ABCG2: variants seen among roughly 807,000 people sequenced by gnomAD.
ABCG2 encodes the protein ATP binding cassette subfamily G member 2 (JR blood group).
Under a neutral mutation model 73.5 loss-of-function variants are expected in ABCG2, and 80 were observed. The ratio of observed to expected loss-of-function variants is 1.09; its 90% CI spans 0.91 to 1.31. ABCG2 has a LOEUF of 1.31. Ranked by LOEUF, ABCG2 falls within the 50% of genes most tolerant of loss-of-function variation. ABCG2 has a pLI of 0.00. For missense variants in ABCG2, 796 were observed against 786.2 expected (o/e 1.01, Z -0.15); for synonymous variants, 269 against 282.4 (o/e 0.95, Z 0.48).
intron 1 of ABCG2, among the ~76,000 whole-genome samples, chr4:88,153,746 C>T (rs1398609990): frequency 2.6e-5 from 4 of 152,062 alleles, no homozygotes; most frequent in Admixed American, 2.6e-4. Context: ...GTGAAAGTGT[C>T]TACCCAGACC....
chr4:88,105,992 C>T (rs1276431617), intron 10 of ABCG2, among the ~76,000 whole-genome samples: 1 of 152,074 alleles, frequency 6.6e-6, no homozygotes, highest in African/African-American at 2.4e-5. Context: ...TTGTGCACTG[C>T]TGGTAAGAAT....
chr4:88,209,399 C>T (rs1332467907), intron 1 of ABCG2, among the ~76,000 whole-genome samples: 1 of 151,398 alleles, frequency 6.6e-6, no homozygotes, highest in Non-Finnish European at 1.5e-5. Context: ...TGCGGTGGCT[C>T]ACACTTATAA....
rs188284155 is a variant in ABCG2, at chr4:88,142,321, G to A, written c.-19-2307C>T. 1.9e-3 allele frequency among the ~76,000 whole-genome samples: 295 copies of A among 152,154 alleles called. 2 individuals are homozygous for A. Among genetic ancestry groups the A allele is most frequent in the African/African-American group, 6.8e-3 (282 of 41,522 alleles). On this transcript the variant is annotated intron_variant, in intron 1 of 15. Transcript: ENST00000237612. ...TTGAAGAAACTCTAGGAACACCAAAGAGGATGAATACAAAAAAAGACAAAT... is the reference window on the plus strand; with the variant it reads ...TTGAAGAAACTCTAGGAACACCAAAAAGGATGAATACAAAAAAAGACAAAT...
chr4:88,217,985 A>G (rs1191568143), intron 1 of ABCG2, among the ~76,000 whole-genome samples: 1 of 151,892 alleles, frequency 6.6e-6, no homozygotes, highest in Non-Finnish European at 1.5e-5. Flanking sequence ...AAAAAAAAAA[A>G]AAAAAAAGGA....
chr4:88,199,950 A>T (rs1274977823), intron 1 of ABCG2, among the ~76,000 whole-genome samples: 1 of 152,074 alleles, frequency 6.6e-6, no homozygotes, highest in Non-Finnish European at 1.5e-5. Flanking sequence ...TGCAGTGAGC[A>T]AGATCGCGCC....
intron 9 of ABCG2, among the ~76,000 whole-genome samples, chr4:88,108,373 CA>C (rs1477394710): frequency 6.6e-6 from 1 of 150,710 alleles, no homozygotes; most frequent in Admixed American, 6.6e-5. Context: ...AAAAAACACA[CA>C]CAAAAAAATT....
intron 9 of ABCG2, among the ~76,000 whole-genome samples, chr4:88,110,291 C>A (rs1723046518): frequency 6.6e-6 from 1 of 151,906 alleles, no homozygotes; most frequent in Admixed American, 6.6e-5. Flanking sequence ...TCTGTAATCC[C>A]AGCACTGTGG....
intron 1 of ABCG2, 41 bp from the exon 2 acceptor site, chr4:88,140,055 A>C (rs1294248595): frequency 6.5e-7 from 1 of 1,528,030 alleles, no homozygotes; most frequent in Admixed American, 1.9e-5. Context: ...AGTCCAGATA[A>C]ATGAGATTGC....
chr4:88,196,055 C>A (rs893674018), intron 1 of ABCG2, among the ~76,000 whole-genome samples: 1 of 152,146 alleles, frequency 6.6e-6, no homozygotes, highest in African/African-American at 2.4e-5. Flanking sequence ...CCAGCTGCAA[C>A]CAATTACTAT....
chr4:88,169,500 G>A (rs1214245994), intron 1 of ABCG2, among the ~76,000 whole-genome samples: 1 of 152,038 alleles, frequency 6.6e-6, no homozygotes, highest in Admixed American at 6.6e-5. Flanking sequence ...CTTTTGATGG[G>A]CCTTTGGGTC....
intron 1 of ABCG2, among the ~76,000 whole-genome samples, chr4:88,151,715 G>A (rs971412203): frequency 6.6e-6 from 1 of 151,314 alleles, no homozygotes; most frequent in African/African-American, 2.4e-5. Flanking sequence ...CTCCAGCCTG[G>A]GCGACAGAGT....
At chr4:88,189,692 A>G (rs1728605387) in intron 1 of ABCG2, among the ~76,000 whole-genome samples, 1 of 152,180 alleles carries the variant, frequency 6.6e-6, no homozygotes, top group Non-Finnish European at 1.5e-5. Flanking sequence ...TGTGAACAGA[A>G]ATAATTTTAC....
At chr4:88,154,698 G>T (rs1726802240) in intron 1 of ABCG2, among the ~76,000 whole-genome samples, 2 of 152,276 alleles carry the variant, frequency 1.3e-5, no homozygotes, top group Non-Finnish European at 2.9e-5. Flanking sequence ...GGAATAATGT[G>T]GGAGGCCGGA....
At chr4:88,112,336 G>T (rs965048659) in intron 9 of ABCG2, among the ~76,000 whole-genome samples, 5 of 152,104 alleles carry the variant, frequency 3.3e-5, no homozygotes, top group African/African-American at 1.2e-4. Context: ...CCCTTGGAGT[G>T]GCCAGCACAT....
chr4:88,121,932 G>T, intron 5 of ABCG2, 140 bp from the exon 6 acceptor site: 1 of 801,726 alleles, frequency 1.2e-6, no homozygotes, highest in Non-Finnish European at 1.9e-6. Context: ...GTGGATACCT[G>T]GTAGAAAAAG....
At chr4:88,193,889 C>T (rs1490047447) in intron 1 of ABCG2, among the ~76,000 whole-genome samples, 1 of 152,106 alleles carries the variant, frequency 6.6e-6, no homozygotes, top group African/African-American at 2.4e-5. Context: ...GGACTACAGG[C>T]ATCTGCCACC....
At chr4:88,183,086 TAAAAAAAAAAAAAAAAAA>T (rs57261009) in intron 1 of ABCG2, among the ~76,000 whole-genome samples, 1 of 68,912 alleles carries the variant, frequency 1.5e-5, no homozygotes, top group African/African-American at 6.0e-5. Context: ...CTCCGTCTCA[TAAAAAAAAAAAAAAAAAA>T]AAAAAAAAAA....
intron 10 of ABCG2, among the ~76,000 whole-genome samples, chr4:88,104,134 T>A (rs1203313063): frequency 1.3e-5 from 2 of 152,224 alleles, no homozygotes; most frequent in Non-Finnish European, 2.9e-5. Flanking sequence ...CTAATTTGTT[T>A]AGCTATCACC....
intron 1 of ABCG2, among the ~76,000 whole-genome samples, chr4:88,204,105 G>T (rs1729286965): frequency 6.6e-6 from 1 of 151,960 alleles, no homozygotes. Context: ...GCTTTGCAAA[G>T]ACCTAACACA....
Sources: allele counts gnomAD v4.1 joint callset (sites outside exome capture counted in the v4.1 genomes callset), GRCh38; gene constraint gnomAD v4.1.1; transcripts MANE v1.5; gene names NCBI Gene and HGNC (gene_info 2026-07-23, HGNC 2026-07-21).